PSD3: variants seen among roughly 807,000 people sequenced by gnomAD.
PSD3 encodes the protein pleckstrin and Sec7 domain containing 3, also known as PH and SEC7 domain-containing protein 3.
A neutral mutation model predicts 105.5 loss-of-function variants in PSD3; 49 were observed. The ratio of observed to expected loss-of-function variants is 0.46; its 90% confidence interval spans 0.37 to 0.59. PSD3 has a LOEUF of 0.59. Ranked by LOEUF, PSD3 falls within the 20% of genes least tolerant of loss-of-function variation. The probability of loss-of-function intolerance (pLI) is 0.00; values close to 1 mark genes in which losing one functional copy is unlikely to be tolerated. For synonymous variants in PSD3, 557 were observed against 457.8 expected, an observed-to-expected ratio of 1.22 and a Z score of -2.77; for missense variants, 1,561 against 1,263.8, an observed-to-expected ratio of 1.24 and a Z score of -3.57.
chr8:18,592,156 T>A (rs1385260536), intron 12 of PSD3, among the ~76,000 whole-genome samples: 1 of 151,648 alleles, frequency 6.6e-6, no homozygotes, highest in Non-Finnish European at 1.5e-5. Context: ...AAAAGATGAA[T>A]AAACAAAATG....
At chr8:19,072,542 T>C (rs916616799) in intron 1 of PSD3, among the ~76,000 whole-genome samples, 5 of 152,218 alleles carry the variant, frequency 3.3e-5, no homozygotes, top group African/African-American at 9.7e-5. Flanking sequence ...TTCGTCTTTC[T>C]ATTTCAAGAT....
intron 12 of PSD3, among the ~76,000 whole-genome samples, chr8:18,580,425 CA>C (rs1483665341): frequency 6.6e-6 from 1 of 151,964 alleles, no homozygotes; most frequent in South Asian, 2.1e-4. Flanking sequence ...TTGTAAAAAC[CA>C]AAAAGTTTAA....
At chr8:18,882,536 A>G (rs540261049) in intron 2 of PSD3, among the ~76,000 whole-genome samples, 3 of 152,190 alleles carry the variant, frequency 2.0e-5, no homozygotes, top group Non-Finnish European at 1.5e-5. Context: ...GCTCGCAAAC[A>G]AAGTTCAGGC....
chr8:18,837,130 G>T (rs1814179769), intron 4 of PSD3, among the ~76,000 whole-genome samples: 1 of 152,100 alleles, frequency 6.6e-6, no homozygotes, highest in South Asian at 2.1e-4. Context: ...ATCCCAGATA[G>T]CAGTGACAGA....
chr8:18,875,191 G>A (rs1296431393), intron 2 of PSD3, among the ~76,000 whole-genome samples: 5 of 152,206 alleles, frequency 3.3e-5, no homozygotes, highest in African/African-American at 9.6e-5. Context: ...TTACACACAT[G>A]AGCCACCATG....
rs1412028559 is a variant in PSD3, at chr8:18,872,165, C to T, written c.699G>A (p.Met233Ile). 6.2e-7 allele frequency: 1 copy of T among 1,614,180 alleles called. No individual in the cohort carries two copies. Among genetic ancestry groups the T allele is most frequent in the East Asian group, 2.2e-5 (1 of 44,880 alleles). ...GDTQAEISQI[M>I]NNGRKGAVCV... ...AGACAGCCCCTTTCCTCCCATTATT[C>T]ATTATCTGGGAAATCTCTGCCTGAG... The change falls in exon 3 of 16, where the codon ATG becomes ATA. Residue 233 changes from methionine (M) to isoleucine (I), a missense_variant. Physicochemically the swap from Met to Ile is conservative, Grantham distance 10. Transcript: ENST00000327040.
chr8:18,724,378 A>AGGGCAGGAGCATCTCTTGT (rs1400258192), intron 9 of PSD3, among the ~76,000 whole-genome samples: 2 of 152,290 alleles, frequency 1.3e-5, no homozygotes, highest in South Asian at 2.1e-4. Flanking sequence ...TTGGTAGGTC[A>AGGGCAGGAGCATCTCTTGT]GGGCAGGAGC....
chr8:18,805,660 G>C (rs1054449136), intron 4 of PSD3, among the ~76,000 whole-genome samples: 1 of 152,008 alleles, frequency 6.6e-6, no homozygotes, highest in Non-Finnish European at 1.5e-5. Flanking sequence ...ACATGATTTT[G>C]TAACATCACA....
intron 9 of PSD3, among the ~76,000 whole-genome samples, chr8:18,697,037 G>GTCTGAGCCCAGGGT (rs1455313728): frequency 6.6e-6 from 1 of 151,784 alleles, no homozygotes; most frequent in Admixed American, 6.6e-5. Flanking sequence ...GAGCCCAGGG[G>GTCTGAGCCCAGGGT]TTTGAGACCA....
In PSD3 at chr8:18,779,394, AC is replaced by A. The variant is rs1808401469; in HGVS notation, c.2083-13857del. Among the ~76,000 whole-genome samples the A allele has an allele frequency of 2.0e-5, 3 of 151,442 alleles. No individual in the cohort carries two copies. In the South Asian group the frequency reaches 6.2e-4, roughly 31 times the overall value. ...TGTTGTTTATTCTCTCAAAAAAAAA[AC>A]CCAACTCTTCATTTCACTGATCCTC... is the stretch of plus-strand genomic sequence containing the variant. On this transcript the variant is annotated intron_variant, in intron 8 of 15. Coordinates refer to ENST00000327040, the MANE Select transcript of PSD3 (RefSeq NM_015310.4).
intron 1 of PSD3, among the ~76,000 whole-genome samples, chr8:19,045,747 G>A (rs932731344): frequency 6.6e-6 from 1 of 152,208 alleles, no homozygotes; most frequent in Non-Finnish European, 1.5e-5. Flanking sequence ...ACCAGCTAGT[G>A]TTGGGAGGGT....
chr8:18,594,682 C>A (rs1350179052), intron 12 of PSD3, among the ~76,000 whole-genome samples: 2 of 151,280 alleles, frequency 1.3e-5, no homozygotes, highest in African/African-American at 2.4e-5. Flanking sequence ...CTGATGGACA[C>A]CAAAATCCAT....
chr8:18,940,916 T>C (rs1274725979), intron 1 of PSD3, among the ~76,000 whole-genome samples: 1 of 152,204 alleles, frequency 6.6e-6, no homozygotes, highest in Non-Finnish European at 1.5e-5. Flanking sequence ...CCTTCTCCTT[T>C]GGTTTCTCAG....
chr8:19,045,491 C>A (rs1214091332), intron 1 of PSD3, among the ~76,000 whole-genome samples: 1 of 152,198 alleles, frequency 6.6e-6, no homozygotes, highest in Non-Finnish European at 1.5e-5. Flanking sequence ...AAACAATAAG[C>A]ATTTCTAAGC....
intron 12 of PSD3, among the ~76,000 whole-genome samples, chr8:18,600,100 G>T (rs1441766473): frequency 6.6e-6 from 1 of 152,144 alleles, no homozygotes. Flanking sequence ...ATATAGGATG[G>T]CTATGCTGGA....
At chr8:18,623,645 G>GGA in intron 11 of PSD3, among the ~76,000 whole-genome samples, 1 of 101,398 alleles carries the variant, frequency 9.9e-6, no homozygotes, top group African/African-American at 3.6e-5. Flanking sequence ...CTCCATCTCA[G>GGA]AAAAAAAAAA....
chr8:18,811,198 A>G (rs1811650573), intron 4 of PSD3, among the ~76,000 whole-genome samples: 2 of 152,226 alleles, frequency 1.3e-5, no homozygotes, highest in Non-Finnish European at 2.9e-5. Context: ...GTCTTATGAA[A>G]CAGGCAATAG....
chr8:18,693,146 C>T (rs1313993349), intron 9 of PSD3, among the ~76,000 whole-genome samples: 3 of 152,184 alleles, frequency 2.0e-5, no homozygotes, highest in East Asian at 1.9e-4. Context: ...AAACACATTT[C>T]CCCCAACTGC....
At chr8:18,963,767 T>C (rs1468987968) in intron 1 of PSD3, among the ~76,000 whole-genome samples, 1 of 152,216 alleles carries the variant, frequency 6.6e-6, no homozygotes, top group Non-Finnish European at 1.5e-5. Flanking sequence ...TAAGACTTTG[T>C]TCATAGTTAA....
Sources: gnomAD v4.1 joint callset for allele counts (sites outside exome capture counted in the v4.1 genomes callset) on GRCh38, gnomAD v4.1.1 for gene constraint, MANE v1.5 for transcripts, NCBI Gene and HGNC (gene_info 2026-07-23, HGNC 2026-07-21) for gene names.